The following CDH12 variants were observed in gnomAD, a reference collection of about 807,000 sequenced individuals.
CDH12 encodes cadherin 12.
CDH12 carries 41 observed loss-of-function variants against 74.1 expected under a neutral mutation model. That is an observed-to-expected ratio of 0.55 (90% CI 0.43 to 0.72). The LOEUF (loss-of-function observed/expected upper bound fraction) is 0.72, where lower values mean the gene tolerates loss of function less well. CDH12 is among the 30% of genes least tolerant of loss of function. CDH12 has a pLI of 0.00. For synonymous variants in CDH12, 399 were observed against 355.0 expected (o/e 1.12, Z -1.39); for missense variants, 945 against 977.2 (o/e 0.97, Z 0.44).
intron 8 of CDH12, among the ~76,000 whole-genome samples, chr5:21,822,941 G>C (rs1017000188): frequency 6.2e-4 from 94 of 152,064 alleles, no homozygotes; most frequent in African/African-American, 2.1e-3. Context: ...AAACGCAATA[G>C]AAAAATTTAA....
intron 1 of CDH12, among the ~76,000 whole-genome samples, chr5:22,691,750 G>A (rs1031902018): frequency 1.3e-5 from 2 of 152,016 alleles, no homozygotes; most frequent in African/African-American, 4.8e-5. Flanking sequence ...AGTGCCATTT[G>A]GCTTACCCTA....
At chr5:22,155,180 C>T (rs1747944577) in intron 4 of CDH12, among the ~76,000 whole-genome samples, 1 of 152,104 alleles carries the variant, frequency 6.6e-6, no homozygotes, top group African/African-American at 2.4e-5. Flanking sequence ...TATAGAAAGG[C>T]TCATGTGATT....
At chr5:22,624,923 AT>A (rs1237946339) in intron 1 of CDH12, among the ~76,000 whole-genome samples, 16 of 152,222 alleles carry the variant, frequency 1.1e-4, no homozygotes, top group Non-Finnish European at 2.4e-4. Flanking sequence ...ATGTCCATCA[AT>A]GATAGACTGG....
chr5:22,000,695 T>C (rs1419888099), intron 5 of CDH12, among the ~76,000 whole-genome samples: 1 of 152,146 alleles, frequency 6.6e-6, no homozygotes, highest in Non-Finnish European at 1.5e-5. Context: ...TGTGGAAGAA[T>C]TAAAGATTAT....
At chr5:22,216,646 A>G (rs1238442608) in intron 3 of CDH12, among the ~76,000 whole-genome samples, 2 of 151,964 alleles carry the variant, frequency 1.3e-5, no homozygotes, top group South Asian at 2.1e-4. Flanking sequence ...CATGTATTAT[A>G]CATATTTCTG....
rs193121232 is a variant in CDH12 at position 22,809,464 on chromosome 5, A to G, written c.-523+43594T>C. On this transcript the variant is annotated intron_variant, in intron 1 of 14. Coordinates refer to ENST00000382254, the MANE Select transcript of CDH12 (RefSeq NM_004061.5). The stretch of plus-strand genomic sequence containing the variant: ...AAATAATATGATACATTCCTTTCAT[A>G]AAATGCTTTTAAATATATGCTTATC... 8.6e-5 allele frequency among the ~76,000 whole-genome samples: 13 copies of G among 152,000 alleles called. No individual in the cohort carries two copies. In the East Asian group the frequency reaches 2.3e-3, roughly 27 times the overall value.
intron 1 of CDH12, among the ~76,000 whole-genome samples, chr5:22,553,182 G>A (rs996387872): frequency 6.6e-6 from 1 of 152,056 alleles, no homozygotes; most frequent in Non-Finnish European, 1.5e-5. Context: ...AACTTTTAAT[G>A]TTTTCTCCTG....
At chr5:22,743,259 A>ATT (rs199656061) in intron 1 of CDH12, among the ~76,000 whole-genome samples, 7,759 of 77,258 alleles carry the variant, frequency 0.1, 238 homozygotes, top group Admixed American at 0.16. Flanking sequence ...TAGCATGGAG[A>ATT]TTATATATAT....
intron 1 of CDH12, among the ~76,000 whole-genome samples, chr5:22,808,585 ATTTTC>A (rs1049398557): frequency 7.1e-6 from 1 of 139,890 alleles, no homozygotes; most frequent in East Asian, 2.1e-4. Context: ...ACTTGCATAG[ATTTTC>A]TTTTCTTTTC....
intron 1 of CDH12, among the ~76,000 whole-genome samples, chr5:22,621,557 T>C (rs966007034): frequency 1.3e-5 from 2 of 152,020 alleles, no homozygotes; most frequent in African/African-American, 4.8e-5. Flanking sequence ...AAAGAAATTA[T>C]AACAGCAAAG....
intron 5 of CDH12, among the ~76,000 whole-genome samples, chr5:21,993,724 C>A (rs1263559481): frequency 6.6e-6 from 1 of 151,978 alleles, no homozygotes; most frequent in Non-Finnish European, 1.5e-5. Flanking sequence ...TGGTTTCAAT[C>A]TTGTGAGACC....
chr5:22,470,073 C>A (rs948003074), intron 2 of CDH12, among the ~76,000 whole-genome samples: 1 of 152,166 alleles, frequency 6.6e-6, no homozygotes, highest in Non-Finnish European at 1.5e-5. Context: ...AGATGAAGAG[C>A]AGCCTTCTGG....
At chr5:21,839,138 G>C (rs1335860046) in intron 8 of CDH12, among the ~76,000 whole-genome samples, 1 of 151,970 alleles carries the variant, frequency 6.6e-6, no homozygotes, top group Non-Finnish European at 1.5e-5. Context: ...CACTTAAGTG[G>C]TTAAAAAAAT....
Position 22,667,978 on chromosome 5 carries a change from A to C in CDH12, c.-522-162614T>G, listed in dbSNP as rs77628800. On this transcript the variant is annotated intron_variant, in intron 1 of 14. Transcript: ENST00000382254. Reference sequence around the variant, plus strand: ...TAAGGAGGGAAAAAACATTTAGATCATATAAAGAAAAGAAAAACATAATTC... The same window carrying C: ...TAAGGAGGGAAAAAACATTTAGATCCTATAAAGAAAAGAAAAACATAATTC... Among the ~76,000 whole-genome samples, 1,315 of 152,306 alleles carry C rather than the reference A, an allele frequency of 8.6e-3. 30 individuals carry two copies. The highest frequency in any genetic ancestry group is 0.031 in the African/African-American group (1,268 of 41,572).
chr5:22,525,616 T>C (rs931771883), intron 1 of CDH12, among the ~76,000 whole-genome samples: 13 of 152,130 alleles, frequency 8.5e-5, no homozygotes, highest in Non-Finnish European at 1.5e-4. Context: ...TGTCAATAAC[T>C]GGAATGTAAC....
rs199931921 is a variant in CDH12, at chr5:22,154,481, ATG to A, written c.-187+58015_-187+58016del. Among the ~76,000 whole-genome samples the A allele has an allele frequency of 0.029, 54 of 1,854 alleles. 1 individual carries two copies. The South Asian group carries it at 0.35, about 12-fold the overall frequency. The allele number at this position is 1,854 out of a possible 152,430, so 1.2% of individuals were successfully genotyped here. Reference sequence around the variant, plus strand: ...TACACATATATATGTACACATATATATGTACACATATATATGTACACATATAT... The same window carrying A: ...TACACATATATATGTACACATATATATACACATATATATGTACACATATAT... On this transcript the variant is annotated intron_variant, in intron 4 of 14. Coordinates refer to ENST00000382254, the MANE Select transcript of CDH12 (RefSeq NM_004061.5).
intron 2 of CDH12, among the ~76,000 whole-genome samples, chr5:22,489,041 GT>G (rs1160538638): frequency 6.3e-5 from 4 of 63,818 alleles, no homozygotes; most frequent in African/African-American, 2.2e-4. Flanking sequence ...AGTAATTGCA[GT>G]TTTTTGGTAC....
At position 22,183,456 on chromosome 5, in the gene CDH12, A is replaced by G. The variant is rs530858358; in HGVS notation, c.-187+29042T>C. On this transcript the variant is annotated intron_variant, in intron 4 of 14. Coordinates refer to ENST00000382254, the MANE Select transcript of CDH12 (RefSeq NM_004061.5). ...TGAGTTGTAAAGTGCATGGGACAGA[A>G]AAGAATCAGAAGTTATAGCACAGAC... Among the ~76,000 whole-genome samples the G allele has an allele frequency of 4.6e-5, 7 of 152,350 alleles. No individual in the cohort carries two copies. In the South Asian group the frequency reaches 1.5e-3, roughly 32 times the overall value.
intron 3 of CDH12, among the ~76,000 whole-genome samples, chr5:22,238,853 TA>T (rs1752649405): frequency 6.6e-6 from 1 of 152,192 alleles, no homozygotes; most frequent in Non-Finnish European, 1.5e-5. Context: ...AAGCTCCAAA[TA>T]ATGAGTAGGC....
Sources: gnomAD v4.1 joint callset for allele counts (sites outside exome capture counted in the v4.1 genomes callset) on GRCh38, gnomAD v4.1.1 for gene constraint, MANE v1.5 for transcripts, NCBI Gene and HGNC (gene_info 2026-07-23, HGNC 2026-07-21) for gene names.